ACAD10: variants seen among roughly 807,000 people sequenced by gnomAD.
ACAD10 encodes acyl-CoA dehydrogenase family member 10, also known as ACAD-10.
A neutral mutation model predicts 116.8 loss-of-function variants in ACAD10; 112 were observed. The observed-to-expected ratio is 0.96, with a 90% CI of 0.82 to 1.12. The LOEUF is 1.12. Among genes scored for constraint, ACAD10 ranks in the 50% most tolerant of loss-of-function variants. The probability of loss-of-function intolerance (pLI) is 0.00; values close to 1 mark genes in which losing one functional copy is unlikely to be tolerated. For synonymous variants in ACAD10, 486 were observed against 510.6 expected, an observed-to-expected ratio of 0.95 and a Z score of 0.65; for missense variants, 1,259 against 1,350.2, an observed-to-expected ratio of 0.93 and a Z score of 1.06.
At chr12:111,714,238 C>CT (rs1566149732) in intron 6 of ACAD10, among the ~76,000 whole-genome samples, 2 of 147,504 alleles carry the variant, frequency 1.4e-5, no homozygotes, top group African/African-American at 5.1e-5. Context: ...GAGCAAGGCT[C>CT]TGTCTCCAAA....
At position 111,709,758 on chromosome 12, in the gene ACAD10, C is replaced by A. The variant is rs188558286; in HGVS notation, c.690+74C>A. On this transcript the variant is annotated intron_variant, in intron 5 of 20. Transcript: ENST00000313698. ...GCAATGTTTCTCTGTAATCTTTTTA[C>A]ATTTGTAGCTCTAGCTTTCCTTAGG... 75 of 1,415,462 alleles carry A rather than the reference C, an allele frequency of 5.3e-5. 2 individuals are homozygous for A. The highest frequency in any genetic ancestry group is 3.8e-5 in the Non-Finnish European group (40 of 1,052,130). 87.7% of individuals were successfully genotyped at this position (1,415,462 alleles called of 1,614,324 possible).
intron 13 of ACAD10, 32 bp downstream of exon 13, chr12:111,745,075 C>A: frequency 1.1e-5 from 17 of 1,592,234 alleles, no homozygotes; most frequent in Non-Finnish European, 1.4e-5. Context: ...GGTAAGACCC[C>A]AATACCATGG....
intron 3 of ACAD10, 151 bp from the exon 4 acceptor site, chr12:111,705,587 A>G (rs1888477362): frequency 5.8e-6 from 4 of 685,874 alleles, no homozygotes; most frequent in East Asian, 5.3e-5. Flanking sequence ...GGGCTGAGGA[A>G]CACAGTTCCT....
chr12:111,730,534 G>T (rs1050446587), intron 10 of ACAD10, among the ~76,000 whole-genome samples: 10 of 152,190 alleles, frequency 6.6e-5, no homozygotes, highest in Non-Finnish European at 1.5e-4. Flanking sequence ...GCGTCTGGCG[G>T]CAGTGTCTAG....
chr12:111,750,544 C>A (rs1374890238), intron 18 of ACAD10, among the ~76,000 whole-genome samples: 2 of 152,118 alleles, frequency 1.3e-5, no homozygotes, highest in Non-Finnish European at 2.9e-5. Flanking sequence ...AGTGATCACA[C>A]CACTGCACTC....
At chr12:111,688,555 A>G (rs920503236) in intron 1 of ACAD10, among the ~76,000 whole-genome samples, 16 of 152,106 alleles carry the variant, frequency 1.1e-4, no homozygotes, top group Non-Finnish European at 1.5e-5. Flanking sequence ...CAATCCCAGC[A>G]CTTTGGGAGG....
intron 12 of ACAD10, among the ~76,000 whole-genome samples, chr12:111,744,021 T>G (rs1232292248): frequency 6.6e-6 from 1 of 152,156 alleles, no homozygotes; most frequent in Non-Finnish European, 1.5e-5. Flanking sequence ...GTGCTGAGAT[T>G]ACAGGTGTGA....
Position 111,721,713 on chromosome 12 carries a change from C to T in ACAD10, c.1035C>T (p.Asn345=), listed in dbSNP as rs752809036. 8 of 1,601,160 alleles carry T rather than the reference C, an allele frequency of 5.0e-6. No individual in the cohort carries two copies. The highest frequency in any genetic ancestry group is 4.0e-5 in the African/African-American group (3 of 74,774). Residue 345 remains asparagine (N), a synonymous_variant, in exon 8 of 21, where the codon AAC becomes AAT. Coordinates refer to ENST00000313698, the MANE Select transcript of ACAD10 (RefSeq NM_025247.6). ...ALANAGVPVP[N]VLDLCEDSSV... The stretch of plus-strand genomic sequence containing the variant: ...CAAATGCTGGAGTACCTGTCCCTAA[C>T]GTTCTTGATCTCTGTGAAGATTCAA...
intron 7 of ACAD10, among the ~76,000 whole-genome samples, chr12:111,718,527 T>C (rs1391925916): frequency 6.6e-6 from 1 of 152,154 alleles, no homozygotes; most frequent in Non-Finnish European, 1.5e-5. Flanking sequence ...TCACCCAGGC[T>C]GGAGTGCAGT....
intron 6 of ACAD10, chr12:111,715,611 T>C: frequency 1.7e-6 from 1 of 574,982 alleles, no homozygotes; most frequent in Non-Finnish European, 3.1e-6. Context: ...TGACAAACTG[T>C]AGTGGCATGT....
At chr12:111,704,383 G>A (rs1888437097) in intron 3 of ACAD10, among the ~76,000 whole-genome samples, 3 of 151,942 alleles carry the variant, frequency 2.0e-5, no homozygotes, top group East Asian at 1.9e-4. Flanking sequence ...CTTGTGATCC[G>A]CCCACCTTGG....
In ACAD10 at chr12:111,731,998, T is replaced by C. The variant is rs1246472335; in HGVS notation, c.1395-1925T>C. On this transcript the variant is annotated intron_variant, in intron 10 of 20. Coordinates refer to ENST00000313698, the MANE Select transcript of ACAD10 (RefSeq NM_025247.6). ...CGGGAGGGTGAGGCAGGAGAATCAC[T>C]TGAACCCGGGAGGCAGAGGTTGCAG... Among the ~76,000 whole-genome samples the C allele has an allele frequency of 3.9e-5, 6 of 152,132 alleles. No homozygotes were observed. The East Asian group carries it at 1.2e-3, about 29-fold the overall frequency.
At chr12:111,735,836 GTTTA>G (rs1889539592) in intron 11 of ACAD10, among the ~76,000 whole-genome samples, 2 of 151,766 alleles carry the variant, frequency 1.3e-5, no homozygotes, top group East Asian at 1.9e-4. Context: ...TTATTTATTT[GTTTA>G]TTTGTTTATT....
At position 111,756,481 on chromosome 12, in the gene ACAD10, G is replaced by A. The variant is rs921976835; in HGVS notation, c.*8G>A. On this transcript the variant is annotated 3_prime_UTR_variant, in exon 21 of 21. Coordinates refer to ENST00000313698, the MANE Select transcript of ACAD10 (RefSeq NM_025247.6). Reference sequence around the variant, plus strand: ...CTGAAGCACCGCATTTAGAGCCTTGGGGCTGCAGTGGCTCAATGTCCTGGC... The same window carrying A: ...CTGAAGCACCGCATTTAGAGCCTTGAGGCTGCAGTGGCTCAATGTCCTGGC... 1.2e-6 allele frequency: 2 copies of A among 1,610,972 alleles called. No individual in the cohort carries two copies. The highest frequency in any genetic ancestry group is 2.7e-5 in the African/African-American group (2 of 74,838).
chr12:111,687,349 ATTC>A (rs1203199548), intron 1 of ACAD10, among the ~76,000 whole-genome samples: 4 of 152,030 alleles, frequency 2.6e-5, no homozygotes, highest in African/African-American at 7.2e-5. Context: ...GGTCCTGATT[ATTC>A]TTTTTTGTTT....
Position 111,705,733 on chromosome 12 carries a change from C to G in ACAD10, c.337-5C>G, listed in dbSNP as rs1566145340. Reference sequence around the variant, plus strand: ...CTGTTCTCCTGTGCCCTCTCCTGTTCTTAGTTAAAGACCTCCGTGCCTGTG... The same window carrying G: ...CTGTTCTCCTGTGCCCTCTCCTGTTGTTAGTTAAAGACCTCCGTGCCTGTG... On this transcript the variant is annotated splice_polypyrimidine_tract_variant and splice_region_variant and intron_variant, in intron 3 of 20. Transcript: ENST00000313698. 6.2e-7 allele frequency: 1 copy of G among 1,613,142 alleles called. No homozygotes were observed. The highest frequency in any genetic ancestry group is 8.5e-7 in the Non-Finnish European group (1 of 1,179,432).
chr12:111,708,763 A>G (rs1050569044), intron 4 of ACAD10, among the ~76,000 whole-genome samples: 8 of 152,242 alleles, frequency 5.3e-5, no homozygotes, highest in South Asian at 2.1e-4. Flanking sequence ...CCCTGGGGAC[A>G]CTGTAAAAGG....
In ACAD10 at chr12:111,702,170, G is replaced by C; in HGVS notation, c.196G>C (p.Val66Leu). The C allele has an allele frequency of 6.2e-7, 1 of 1,613,212 alleles. No individual in the cohort carries two copies. The highest frequency in any genetic ancestry group is 1.1e-5 in the South Asian group (1 of 90,802). Residue 66 changes from valine to leucine, a missense_variant, in exon 3 of 21, where the codon GTA (valine) becomes CTA (leucine). Physicochemically the swap from Val to Leu is conservative, Grantham distance 32. Transcript: ENST00000313698. ...SPGRVAAEWEVQNRIPSGTIL... is the reference protein window; with the variant it reads ...SPGRVAAEWELQNRIPSGTIL... ...TATTTTGCTTCCTATAGAATGGGAG[G>C]TACAGAATCGTATCCCTTCTGGAAC... is the stretch of plus-strand genomic sequence containing the variant.
At chr12:111,717,312 C>G (rs553790509) in intron 7 of ACAD10, among the ~76,000 whole-genome samples, 35 of 144,618 alleles carry the variant, frequency 2.4e-4, no homozygotes, top group Non-Finnish European at 5.1e-4. Flanking sequence ...GAGCTGAGAT[C>G]GTACCGCTGC....
Sources: allele counts gnomAD v4.1 joint callset (sites outside exome capture counted in the v4.1 genomes callset), GRCh38; gene constraint gnomAD v4.1.1; transcripts MANE v1.5; gene names NCBI Gene and HGNC (gene_info 2026-07-23, HGNC 2026-07-21).